Variants in ITPR2 observed in about 807,000 individuals in gnomAD.
ITPR2 encodes the protein inositol 1,4,5-trisphosphate-gated calcium channel ITPR2.
Under a neutral mutation model 317.1 loss-of-function variants are expected in ITPR2, and 207 were observed. The observed-to-expected ratio is 0.65, with a 90% CI of 0.58 to 0.73. The LOEUF (loss-of-function observed/expected upper bound fraction) is 0.73. ITPR2 is among the 30% of genes least tolerant of loss of function. ITPR2 has a pLI of 0.00. For missense variants in ITPR2, 2,613 were observed against 3,284.0 expected (o/e 0.80, Z 4.99); for synonymous variants, 1,156 against 1,149.1 (o/e 1.01, Z -0.12).
At chr12:26,480,825 G>A (rs1338072601) in intron 43 of ITPR2, among the ~76,000 whole-genome samples, 1 of 152,064 alleles carries the variant, frequency 6.6e-6, no homozygotes, top group East Asian at 1.9e-4. Flanking sequence ...GGGCGGCAGA[G>A]CTAGACTTCA....
At chr12:26,499,572 A>C (rs1056054908) in intron 37 of ITPR2, among the ~76,000 whole-genome samples, 98 of 152,326 alleles carry the variant, frequency 6.4e-4, no homozygotes, top group African/African-American at 2.1e-3. Context: ...AGTACTTGGA[A>C]CAGTTCCAAA....
chr12:26,755,202 G>T (rs1047276706), intron 2 of ITPR2, among the ~76,000 whole-genome samples: 1 of 152,176 alleles, frequency 6.6e-6, no homozygotes, highest in Middle Eastern at 3.4e-3. Context: ...CGTGTTTTTT[G>T]ACTGTGGTTG....
In ITPR2 at chr12:26,419,104, T is replaced by G. The variant is rs746255206; in HGVS notation, c.7055A>C (p.Tyr2352Ser). 6.2e-7 allele frequency: 1 copy of G among 1,613,632 alleles called. No individual in the cohort carries two copies. The highest frequency in any genetic ancestry group is 1.3e-5 in the African/African-American group (1 of 74,862). ...AAGGCCCAGCATGCAAACCAGGACA[T>G]ACGCCACGTGATAGAGAAAGGCCAT... ...LDMAFLYHVA[Y>S]VLVCMLGLFV... The change falls in exon 50 of 57, where the codon TAT (tyrosine) becomes TCT (serine). Residue 2352 changes from tyrosine to serine, a missense_variant. By Grantham distance (144) the Tyr-to-Ser change is moderately radical. Coordinates refer to ENST00000381340, the MANE Select transcript of ITPR2 (RefSeq NM_002223.4).
chr12:26,556,566 T>TTGTGTGTGTGTG (rs1555155168), intron 35 of ITPR2, among the ~76,000 whole-genome samples, 191 bp from the exon 36 acceptor site: 8 of 136,196 alleles, frequency 5.9e-5, no homozygotes, highest in South Asian at 2.4e-4. Flanking sequence ...ATTTTTTTTT[T>TTGTGTGTGTGTG]TGTGTGTGTG....
intron 2 of ITPR2, among the ~76,000 whole-genome samples, chr12:26,757,426 G>T (rs1387019499): frequency 6.6e-6 from 1 of 152,124 alleles, no homozygotes; most frequent in Non-Finnish European, 1.5e-5. Context: ...ATGTTGCTCA[G>T]GCTGGTCTCG....
chr12:26,485,631 C>T (rs1457604784), intron 41 of ITPR2, among the ~76,000 whole-genome samples: 2 of 152,226 alleles, frequency 1.3e-5, no homozygotes, highest in African/African-American at 2.4e-5. Flanking sequence ...TCCACCTTCA[C>T]TCTGGTTAAA....
In ITPR2 at chr12:26,622,318, C is replaced by CGGGTAG. The variant is rs755064870; in HGVS notation, c.3204_3209dup (p.Tyr1069_Pro1070dup). The CGGGTAG allele has an allele frequency of 6.2e-7, 1 of 1,613,960 alleles. No individual in the cohort carries two copies. The highest frequency in any genetic ancestry group is 2.2e-5 in the East Asian group (1 of 44,878). Reference sequence around the variant, plus strand: ...GCTGCAGGGCTCCAGACAGCAAAGGCGGGTAGTCGTGCATGATCAGATGAA... The same window carrying CGGGTAG: ...GCTGCAGGGCTCCAGACAGCAAAGGCGGGTAGGGGTAGTCGTGCATGATCAGATGAA... On this transcript the variant is annotated inframe_insertion, in exon 25 of 57. Coordinates refer to ENST00000381340, the MANE Select transcript of ITPR2 (RefSeq NM_002223.4).
chr12:26,513,361 GAATATTAATATTCTTTTT>G (rs1037877439), intron 37 of ITPR2, among the ~76,000 whole-genome samples: 8 of 152,154 alleles, frequency 5.3e-5, no homozygotes, highest in Admixed American at 2.6e-4. Context: ...AGTGAAAAAA[GAATATTAATATTCTTTTT>G]ATTCTGGAAA....
At chr12:26,362,877 G>T (rs1456440642) in intron 55 of ITPR2, among the ~76,000 whole-genome samples, 1 of 152,160 alleles carries the variant, frequency 6.6e-6, no homozygotes, top group African/African-American at 2.4e-5. Context: ...CTACTGATGG[G>T]TGATCTTGGG....
intron 2 of ITPR2, among the ~76,000 whole-genome samples, chr12:26,773,845 G>A (rs1949912642): frequency 6.6e-6 from 1 of 152,134 alleles, no homozygotes; most frequent in Non-Finnish European, 1.5e-5. Context: ...AAACCTCATG[G>A]AGGAGAGTAA....
At chr12:26,468,554 C>CT (rs57835059) in intron 45 of ITPR2, among the ~76,000 whole-genome samples, 106,777 of 143,820 alleles carry the variant, frequency 0.74, 39,607 homozygotes, top group Non-Finnish European at 0.82. Flanking sequence ...AGGCACTGAA[C>CT]AAATATAGAA....
intron 26 of ITPR2, among the ~76,000 whole-genome samples, chr12:26,605,094 A>ATAAAT (rs1226950472): frequency 1.1e-4 from 12 of 108,636 alleles, no homozygotes; most frequent in Non-Finnish European, 2.0e-4. Flanking sequence ...TCTCAAAAAA[A>ATAAAT]AAAAAAATAA....
intron 52 of ITPR2, among the ~76,000 whole-genome samples, chr12:26,403,953 T>C (rs1393477489): frequency 6.6e-6 from 1 of 152,106 alleles, no homozygotes; most frequent in Non-Finnish European, 1.5e-5. Flanking sequence ...GTTTGGATTT[T>C]ATTGGGCGGG....
intron 55 of ITPR2, among the ~76,000 whole-genome samples, chr12:26,372,599 C>A (rs1334607226): frequency 1.3e-5 from 2 of 152,172 alleles, no homozygotes; most frequent in Non-Finnish European, 2.9e-5. Context: ...AACGCTCTTT[C>A]TACAATCCAG....
chr12:26,591,610 ACT>A (rs1304803566), intron 32 of ITPR2, among the ~76,000 whole-genome samples: 30 of 152,110 alleles, frequency 2.0e-4, no homozygotes, highest in Admixed American at 7.2e-4. Flanking sequence ...TGGGTGGATC[ACT>A]TGAGGTCAGG....
At chr12:26,693,459 C>A (rs1048543610) in intron 10 of ITPR2, among the ~76,000 whole-genome samples, 2 of 152,126 alleles carry the variant, frequency 1.3e-5, no homozygotes, top group Admixed American at 6.5e-5. Context: ...GGTTCCAGGA[C>A]CCCCTGCAAA....
At chr12:26,512,356 T>A (rs1943376450) in intron 37 of ITPR2, among the ~76,000 whole-genome samples, 1 of 152,188 alleles carries the variant, frequency 6.6e-6, no homozygotes, top group South Asian at 2.1e-4. Context: ...CTCAAAGTCA[T>A]CTCTCTGTTC....
At chr12:26,471,131 C>G (rs1942282175) in intron 45 of ITPR2, among the ~76,000 whole-genome samples, 1 of 152,168 alleles carries the variant, frequency 6.6e-6, no homozygotes, top group African/African-American at 2.4e-5. Context: ...CTACAGCTTG[C>G]TATCTAATAC....
intron 1 of ITPR2, among the ~76,000 whole-genome samples, chr12:26,798,780 G>A (rs747598040): frequency 3.9e-5 from 6 of 152,114 alleles, no homozygotes; most frequent in Admixed American, 1.3e-4. Context: ...CCTGTACAAG[G>A]CCATAAATAA....
Sources: allele counts gnomAD v4.1 joint callset (sites outside exome capture counted in the v4.1 genomes callset), GRCh38; gene constraint gnomAD v4.1.1; transcripts MANE v1.5; gene names NCBI Gene and HGNC (gene_info 2026-07-23, HGNC 2026-07-21).